Variants in PRKG1 observed in about 807,000 individuals in gnomAD.
PRKG1 encodes protein kinase cGMP-dependent 1.
In PRKG1, 35 loss-of-function variants were observed where a neutral mutation model predicts 88.1. The ratio of observed to expected loss-of-function variants is 0.40; its 90% CI spans 0.30 to 0.53. The LOEUF is 0.53. Among genes scored for constraint, PRKG1 ranks in the 20% least tolerant of loss-of-function variants. The pLI is 0.59. For synonymous variants in PRKG1, 303 were observed against 292.5 expected (o/e 1.04, Z -0.37); for missense variants, 540 against 839.8 (o/e 0.64, Z 4.41).
At chr10:51,778,543 T>A (rs1159293947) in intron 3 of PRKG1, among the ~76,000 whole-genome samples, 1 of 152,176 alleles carries the variant, frequency 6.6e-6, no homozygotes, top group Non-Finnish European at 1.5e-5. Context: ...AGAAGAAAAA[T>A]TAATTTTTAA....
intron 5 of PRKG1, among the ~76,000 whole-genome samples, chr10:51,958,052 C>T (rs1843356312): frequency 6.6e-6 from 1 of 151,968 alleles, no homozygotes. Context: ...AACAAGCACT[C>T]TTTAATTTGA....
chr10:51,951,169 G>A (rs917013658), intron 5 of PRKG1, among the ~76,000 whole-genome samples: 2 of 152,204 alleles, frequency 1.3e-5, no homozygotes, highest in Non-Finnish European at 2.9e-5. Context: ...CAGCCTTCAG[G>A]CTGTTTTTTT....
chr10:51,728,785 T>C (rs1157716668), intron 3 of PRKG1, among the ~76,000 whole-genome samples: 4 of 152,150 alleles, frequency 2.6e-5, no homozygotes, highest in Non-Finnish European at 5.9e-5. Context: ...GTATCAAATA[T>C]TGATGCTTCA....
At chr10:51,698,583 C>T in intron 3 of PRKG1, 3 of 1,613,860 alleles carry the variant, frequency 1.9e-6, no homozygotes, top group African/African-American at 1.3e-5. Flanking sequence ...GGAGGCAGAC[C>T]ACCAGGAGTC....
Position 51,743,737 on chromosome 10 carries a change from AATAT to A in PRKG1, c.593-60823_593-60820del, listed in dbSNP as rs369411662. Among the ~76,000 whole-genome samples the A allele has an allele frequency of 3.7e-3, 149 of 40,368 alleles. 1 individual carries two copies. The highest frequency in any genetic ancestry group is 9.7e-3 in the African/African-American group (113 of 11,622). 26.5% of individuals were successfully genotyped at this position (40,368 alleles called of 152,430 possible). On this transcript the variant is annotated intron_variant, in intron 3 of 17. Transcript: ENST00000373980. ...ATATATATATATATAATATAAACTA[AATAT>A]ATATATATATATATATATATATATT...
At chr10:52,017,510 C>T (rs1318604366) in intron 5 of PRKG1, among the ~76,000 whole-genome samples, 1 of 151,920 alleles carries the variant, frequency 6.6e-6, no homozygotes, top group Non-Finnish European at 1.5e-5. Context: ...ACTGGTGATT[C>T]CAAGGTAGAT....
intron 2 of PRKG1, among the ~76,000 whole-genome samples, chr10:51,272,181 T>C (rs1357580256): frequency 6.6e-6 from 1 of 152,218 alleles, no homozygotes; most frequent in Non-Finnish European, 1.5e-5. Flanking sequence ...ATGATTAGCT[T>C]TTTTTCATAT....
intron 3 of PRKG1, among the ~76,000 whole-genome samples, chr10:51,526,167 G>A (rs1461168908): frequency 6.6e-6 from 1 of 151,768 alleles, no homozygotes; most frequent in African/African-American, 2.4e-5. Flanking sequence ...TTAATTGAGG[G>A]GTGCTATAAG....
chr10:51,697,812 T>C (rs749747092), intron 3 of PRKG1: 1 of 1,614,176 alleles, frequency 6.2e-7, no homozygotes, highest in Non-Finnish European at 8.5e-7. Flanking sequence ...ACCTGCATGA[T>C]CAAAGCTGCC....
rs182752499 is a variant in PRKG1, at chr10:51,774,540, T to A, written c.593-30045T>A. Among the ~76,000 whole-genome samples the A allele has an allele frequency of 3.7e-4, 56 of 152,252 alleles. 1 individual carries two copies. In the East Asian group the frequency reaches 0.011, roughly 29 times the overall value. On this transcript the variant is annotated intron_variant, in intron 3 of 17. Transcript: ENST00000373980. ...GTCTCAGAAGTGTAATGGGTTTTTT[T>A]AAGAGTACAGTATGCTTACTCTTCA...
rs568511168 is a variant in PRKG1, at chr10:51,451,180, T to C, written c.479-16543T>C. Reference sequence around the variant, plus strand: ...TATTTCTATTTAACACATTAAATAATAAGACCTAACAGTATGTCTAATAAC... The same window carrying C: ...TATTTCTATTTAACACATTAAATAACAAGACCTAACAGTATGTCTAATAAC... On this transcript the variant is annotated intron_variant, in intron 2 of 17. Transcript: ENST00000373980. 3.3e-5 allele frequency among the ~76,000 whole-genome samples: 5 copies of C among 151,992 alleles called. No homozygotes were observed. The East Asian group carries it at 9.7e-4, about 29-fold the overall frequency.
intron 10 of PRKG1, among the ~76,000 whole-genome samples, chr10:52,260,670 A>G (rs898842134): frequency 6.6e-6 from 1 of 152,074 alleles, no homozygotes; most frequent in African/African-American, 2.4e-5. Flanking sequence ...GAGATTATGC[A>G]TAGAAATTAA....
At chr10:52,217,593 C>G (rs1307751837) in intron 9 of PRKG1, among the ~76,000 whole-genome samples, 1 of 152,088 alleles carries the variant, frequency 6.6e-6, no homozygotes, top group Non-Finnish European at 1.5e-5. Context: ...CAAGCATTAA[C>G]CCAGGTTTAC....
At chr10:51,606,003 C>T (rs191359639) in intron 3 of PRKG1, among the ~76,000 whole-genome samples, 1 of 152,172 alleles carries the variant, frequency 6.6e-6, no homozygotes, top group East Asian at 1.9e-4. Flanking sequence ...CTAGCTAACA[C>T]GACACCTGGT....
At chr10:51,692,175 G>T (rs1391690616) in intron 3 of PRKG1, among the ~76,000 whole-genome samples, 1 of 151,948 alleles carries the variant, frequency 6.6e-6, no homozygotes, top group Non-Finnish European at 1.5e-5. Flanking sequence ...TGATATTTCC[G>T]ATATGGAGTA....
chr10:51,048,705 A>G (rs758319614), intron 1 of PRKG1, among the ~76,000 whole-genome samples: 18 of 152,210 alleles, frequency 1.2e-4, no homozygotes, highest in African/African-American at 1.9e-4. Context: ...AACGCTTGCA[A>G]ATCACTACTT....
intron 9 of PRKG1, among the ~76,000 whole-genome samples, chr10:52,167,628 G>GAA (rs111648936): frequency 1.1e-4 from 15 of 142,144 alleles, no homozygotes; most frequent in South Asian, 6.7e-4. Flanking sequence ...ACCTTTTAAG[G>GAA]AAAAAAAAAA....
intron 1 of PRKG1, among the ~76,000 whole-genome samples, chr10:51,011,950 A>G (rs1412261997): frequency 6.6e-6 from 1 of 152,226 alleles, no homozygotes; most frequent in Non-Finnish European, 1.5e-5. Context: ...CATGTCTTCC[A>G]TGGTGGCAGG....
chr10:51,928,205 A>G (rs1842618775), intron 5 of PRKG1, among the ~76,000 whole-genome samples: 1 of 152,204 alleles, frequency 6.6e-6, no homozygotes, highest in Non-Finnish European at 1.5e-5. Context: ...AAGAACAATT[A>G]TGGTACACTC....
Sources: gnomAD v4.1 joint callset for allele counts (sites outside exome capture counted in the v4.1 genomes callset) on GRCh38, gnomAD v4.1.1 for gene constraint, MANE v1.5 for transcripts, NCBI Gene and HGNC (gene_info 2026-07-23, HGNC 2026-07-21) for gene names.